The following PTPN3 variants were observed in gnomAD, a reference collection of about 807,000 sequenced individuals.
PTPN3 encodes protein tyrosine phosphatase non-receptor type 3.
Under a neutral mutation model 132.7 loss-of-function variants are expected in PTPN3, and 96 were observed. The ratio of observed to expected loss-of-function variants is 0.72; its 90% CI spans 0.61 to 0.86. PTPN3 has a LOEUF of 0.86. Ranked by LOEUF, PTPN3 falls within the 40% of genes least tolerant of loss-of-function variation. PTPN3 has a pLI of 0.00. For synonymous variants in PTPN3, 398 were observed against 429.0 expected (o/e 0.93, Z 0.89); for missense variants, 1,125 against 1,159.6 (o/e 0.97, Z 0.43).
chr9:109,508,777 G>T, the PTPN3 span, among the ~76,000 whole-genome samples: 1 of 152,148 alleles, frequency 6.6e-6, no homozygotes, highest in Non-Finnish European at 1.5e-5. Flanking sequence ...TCCCAAATAA[G>T]GTATAACTAA....
intron 1 of PTPN3, among the ~76,000 whole-genome samples, chr9:109,496,082 A>C (rs772818355): frequency 6.6e-6 from 1 of 152,168 alleles, no homozygotes; most frequent in Non-Finnish European, 1.5e-5. Context: ...TTCCCCAGCT[A>C]ATGTCTAATT....
the PTPN3 span, among the ~76,000 whole-genome samples, chr9:109,516,637 G>A: frequency 1.3e-4 from 20 of 152,264 alleles, no homozygotes; most frequent in Non-Finnish European, 1.2e-4. Context: ...GGTTCCAAGG[G>A]CACTGGGGAG....
chr9:109,473,260 C>G (rs1047559437), intron 1 of PTPN3, among the ~76,000 whole-genome samples: 1 of 152,120 alleles, frequency 6.6e-6, no homozygotes, highest in Admixed American at 6.5e-5. Flanking sequence ...GTAATTTGTT[C>G]GGGGAGTGGC....
At chr9:109,438,670 A>G (rs1268661859) in intron 7 of PTPN3, among the ~76,000 whole-genome samples, 2 of 152,188 alleles carry the variant, frequency 1.3e-5, no homozygotes, top group Admixed American at 1.3e-4. Context: ...TTACCATAAC[A>G]CTGGACCAAT....
At chr9:109,520,145 C>T in the PTPN3 span, among the ~76,000 whole-genome samples, 44 of 138,462 alleles carry the variant, frequency 3.2e-4, no homozygotes, top group East Asian at 4.3e-4. Flanking sequence ...GGTGATACAG[C>T]GAGAGTCTGT....
intron 16 of PTPN3, among the ~76,000 whole-genome samples, chr9:109,409,605 T>C (rs948088520): frequency 2.0e-5 from 3 of 151,974 alleles, no homozygotes; most frequent in Admixed American, 6.6e-5. Flanking sequence ...AGTGAGTAGA[T>C]TGCCAGGTGT....
intron 6 of PTPN3, among the ~76,000 whole-genome samples, chr9:109,448,050 C>G (rs1198261623): frequency 2.0e-5 from 3 of 152,166 alleles, no homozygotes; most frequent in African/African-American, 7.2e-5. Flanking sequence ...TAGCTCACAC[C>G]AGCAGGAGCT....
At chr9:109,384,154 G>A (rs749309088) in intron 22 of PTPN3, among the ~76,000 whole-genome samples, 1 of 152,276 alleles carries the variant, frequency 6.6e-6, no homozygotes, top group Non-Finnish European at 1.5e-5. Context: ...GGCGGCCGGC[G>A]TGGGTGTGCA....
intron 10 of PTPN3, among the ~76,000 whole-genome samples, chr9:109,429,580 T>G (rs1843518698): frequency 6.6e-6 from 1 of 152,258 alleles, no homozygotes; most frequent in Non-Finnish European, 1.5e-5. Context: ...GGGTCCACTA[T>G]CTGGGGGATT....
chr9:109,411,436 C>G (rs979964251), intron 14 of PTPN3, among the ~76,000 whole-genome samples: 1 of 152,158 alleles, frequency 6.6e-6, no homozygotes, highest in African/African-American at 2.4e-5. Context: ...GATTAACCAT[C>G]CCTGCTGTCA....
chr9:109,408,411 T>G, intron 16 of PTPN3, 34 bp from the exon 17 acceptor site: 1 of 1,499,462 alleles, frequency 6.7e-7, no homozygotes, highest in Non-Finnish European at 8.9e-7. Flanking sequence ...CAAAACAAAG[T>G]TTTTTAAGTT....
chr9:109,395,144 T>TAAA (rs36091037), intron 19 of PTPN3, among the ~76,000 whole-genome samples: 6 of 134,774 alleles, frequency 4.5e-5, no homozygotes, highest in East Asian at 4.2e-4. Context: ...CATCTCAATT[T>TAAA]AAAAAAAAAA....
chr9:109,489,301 C>A (rs1847351430), intron 1 of PTPN3, among the ~76,000 whole-genome samples: 2 of 152,162 alleles, frequency 1.3e-5, no homozygotes, highest in Admixed American at 6.5e-5. Flanking sequence ...AGGCACAAAG[C>A]TGGGAGTGGC....
chr9:109,493,771 C>T (rs1038404488), intron 1 of PTPN3, among the ~76,000 whole-genome samples: 1 of 152,152 alleles, frequency 6.6e-6, no homozygotes, highest in African/African-American at 2.4e-5. Context: ...GGCTGTTTCC[C>T]GGCACATCTA....
At chr9:109,532,596 GAACTA>G in the PTPN3 span, among the ~76,000 whole-genome samples, 20,398 of 150,122 alleles carry the variant, frequency 0.14, 1,563 homozygotes, top group Middle Eastern at 0.24. Context: ...AAAAAAAAAA[GAACTA>G]AACTAAACTC....
At chr9:109,414,278 A>G (rs1324003099) in intron 14 of PTPN3, among the ~76,000 whole-genome samples, 1 of 152,252 alleles carries the variant, frequency 6.6e-6, no homozygotes, top group Non-Finnish European at 1.5e-5. Context: ...TGCTGTGCAC[A>G]GGAACCAGCT....
At chr9:109,381,109 C>T (rs1337602665) in intron 25 of PTPN3, among the ~76,000 whole-genome samples, 1 of 152,216 alleles carries the variant, frequency 6.6e-6, no homozygotes, top group Non-Finnish European at 1.5e-5. Context: ...AAAGGTTGTT[C>T]CATTTGTGGT....
chr9:109,497,653 C>T (rs1050598103), intron 1 of PTPN3, among the ~76,000 whole-genome samples: 1 of 152,236 alleles, frequency 6.6e-6, no homozygotes, highest in Non-Finnish European at 1.5e-5. Context: ...AGCTGTCTCA[C>T]CGCAGGTACC....
At chr9:109,403,285 G>GCCTT (rs1841301826) in intron 19 of PTPN3, among the ~76,000 whole-genome samples, 1 of 152,018 alleles carries the variant, frequency 6.6e-6, no homozygotes, top group African/African-American at 2.4e-5. Flanking sequence ...TATTACTCAT[G>GCCTT]CCTTCCTCAA....
Sources: gnomAD v4.1 joint callset for allele counts (sites outside exome capture counted in the v4.1 genomes callset) on GRCh38, gnomAD v4.1.1 for gene constraint, MANE v1.5 for transcripts, NCBI Gene and HGNC (gene_info 2026-07-23, HGNC 2026-07-21) for gene names.